The following RAP1GAP2 variants were observed in gnomAD, a reference collection of about 807,000 sequenced individuals.
RAP1GAP2 encodes the protein RAP1 GTPase activating protein 2, also known as rap1 GTPase-activating protein 2.
RAP1GAP2 carries 27 observed loss-of-function variants against 95.0 expected under a neutral mutation model. The ratio of observed to expected loss-of-function variants is 0.28; its 90% CI spans 0.21 to 0.39. The LOEUF (loss-of-function observed/expected upper bound fraction) is 0.39, where lower values mean the gene tolerates loss of function less well. Among genes scored for constraint, RAP1GAP2 ranks in the 10% least tolerant of loss-of-function variants. The probability of loss-of-function intolerance (pLI) is 1.00; values close to 1 mark genes in which losing one functional copy is unlikely to be tolerated. For missense variants in RAP1GAP2, 771 were observed against 970.0 expected (o/e 0.79, Z 2.72); for synonymous variants, 373 against 380.9 (o/e 0.98, Z 0.24).
In RAP1GAP2 at chr17:3,035,843, T is replaced by C. The variant is rs894536104; in HGVS notation, c.*2482T>C. On this transcript the variant is annotated 3_prime_UTR_variant, in exon 25 of 25. Coordinates refer to ENST00000254695, the MANE Select transcript of RAP1GAP2 (RefSeq NM_015085.5). This position sits in a 1 kb window ranked among gnomAD's most constrained non-coding sequence, Gnocchi z 4.3. ...CCTACATCTGCTCTGATCTAAAATG[T>C]CTTTCCTTTTATGCTGCGCCCAGTC... 6.6e-6 allele frequency: 1 copy of C among 152,240 alleles called. No individual in the cohort carries two copies. Among genetic ancestry groups the C allele is most frequent in the Non-Finnish European group, 1.5e-5 (1 of 68,060 alleles). 9.4% of individuals were successfully genotyped at this position (152,240 alleles called of 1,614,324 possible).
intron 8 of RAP1GAP2, among the ~76,000 whole-genome samples, chr17:2,969,448 C>CAATA (rs1555581968): frequency 8.9e-5 from 13 of 145,500 alleles, no homozygotes; most frequent in African/African-American, 2.8e-4. Flanking sequence ...CACACACACA[C>CAATA]AATAAATAAA....
chr17:2,877,219 T>C (rs2073131816), intron 2 of RAP1GAP2, among the ~76,000 whole-genome samples: 2 of 152,106 alleles, frequency 1.3e-5, no homozygotes, highest in Non-Finnish European at 2.9e-5. Context: ...CCATGTCCAC[T>C]TGTCAGCATG....
chr17:2,842,406 T>C (rs2071404467), intron 2 of RAP1GAP2, among the ~76,000 whole-genome samples: 1 of 151,728 alleles, frequency 6.6e-6, no homozygotes, highest in African/African-American at 2.4e-5. Flanking sequence ...GGCACATGCC[T>C]GTAATCCCAG....
At chr17:3,014,761 T>C (rs2046699507) in intron 17 of RAP1GAP2, among the ~76,000 whole-genome samples, 1 of 152,190 alleles carries the variant, frequency 6.6e-6, no homozygotes, top group African/African-American at 2.4e-5. Flanking sequence ...TTCACCATGT[T>C]GGCCAGGTTG....
At chr17:2,896,548 C>A (rs2041831628) in intron 2 of RAP1GAP2, among the ~76,000 whole-genome samples, 1 of 152,198 alleles carries the variant, frequency 6.6e-6, no homozygotes, top group South Asian at 2.1e-4. Flanking sequence ...AAGCACGCAT[C>A]AGTTCTAAAA....
chr17:2,834,492 C>T (rs1242604063), intron 2 of RAP1GAP2, among the ~76,000 whole-genome samples: 1 of 152,152 alleles, frequency 6.6e-6, no homozygotes, highest in Non-Finnish European at 1.5e-5. Flanking sequence ...TGAGAAATAA[C>T]TTCAAGAGAG....
At chr17:2,909,242 C>T (rs570850186) in intron 3 of RAP1GAP2, among the ~76,000 whole-genome samples, 5 of 152,218 alleles carry the variant, frequency 3.3e-5, no homozygotes, top group South Asian at 2.1e-4. Flanking sequence ...AAGCATTTCA[C>T]GGTGGTGGGA....
At chr17:2,940,601 T>A (rs1328198345) in intron 3 of RAP1GAP2, among the ~76,000 whole-genome samples, 1 of 152,116 alleles carries the variant, frequency 6.6e-6, no homozygotes, top group Non-Finnish European at 1.5e-5. Context: ...CCTCAGAGTG[T>A]GGTTAGTGTG....
intron 3 of RAP1GAP2, among the ~76,000 whole-genome samples, chr17:2,954,657 G>A (rs541722835): frequency 1.3e-5 from 2 of 151,982 alleles, no homozygotes; most frequent in East Asian, 1.9e-4. Context: ...GCAATGGTGC[G>A]ATCTCTGCTC....
rs369864747 is a variant in RAP1GAP2 at position 3,026,946 on chromosome 17, C to T, written c.1983C>T (p.Gly661=). 222 of 1,551,336 alleles carry T rather than the reference C, an allele frequency of 1.4e-4. No homozygotes were observed. Among genetic ancestry groups the T allele is most frequent in the African/African-American group, 1.4e-3 (100 of 73,186 alleles). ...GCTCACCCTGCCTCTCTCCTCAGGG[C>T]AGCCAGCCGTCCACGACCTCACCCT... The part of the protein sequence containing the change: ...GEAMEEGDSG[G]SQPSTTSPFK... Residue 661 remains glycine (G), a splice_region_variant and synonymous_variant, in exon 22 of 25, where the codon GGC becomes GGT. Coordinates refer to ENST00000254695, the MANE Select transcript of RAP1GAP2 (RefSeq NM_015085.5).
At chr17:2,934,549 G>A (rs2043246533) in intron 3 of RAP1GAP2, among the ~76,000 whole-genome samples, 1 of 152,220 alleles carries the variant, frequency 6.6e-6, no homozygotes, top group Non-Finnish European at 1.5e-5. Flanking sequence ...ACAAACCTGA[G>A]TCTTGAGATT....
intron 3 of RAP1GAP2, among the ~76,000 whole-genome samples, chr17:2,928,198 CT>C (rs2043029324): frequency 1.3e-5 from 2 of 152,350 alleles, no homozygotes; most frequent in South Asian, 2.1e-4. Flanking sequence ...CCACTGTCCG[CT>C]TCCCATTCAC....
At position 2,998,201 on chromosome 17, in the gene RAP1GAP2, T is replaced by C. The variant is rs1794515690; in HGVS notation, c.1045-20T>C. 6.2e-7 allele frequency: 1 copy of C among 1,611,290 alleles called. No homozygotes were observed. The highest frequency in any genetic ancestry group is 1.3e-5 in the African/African-American group (1 of 74,876). On this transcript the variant is annotated intron_variant, in intron 13 of 24. Coordinates refer to ENST00000254695, the MANE Select transcript of RAP1GAP2 (RefSeq NM_015085.5). ...TGATTTTCCTAACTGGCTTATAACC[T>C]CTCAACACTTTTTATTTAGCTCCAG...
chr17:2,837,557 C>T lies in RAP1GAP2; in HGVS notation c.80+37007C>T, dbSNP rs548307395. On this transcript the variant is annotated intron_variant, in intron 2 of 24. Coordinates refer to ENST00000254695, the MANE Select transcript of RAP1GAP2 (RefSeq NM_015085.5). ...CCATTCCTCTTCATTTTGGATTTGG[C>T]GGAAGTCAGTGTCCACAGGACCATC... 3.3e-5 allele frequency among the ~76,000 whole-genome samples: 5 copies of T among 150,930 alleles called. No homozygotes were observed. In the East Asian group the frequency reaches 5.8e-4, roughly 18 times the overall value.
At chr17:2,988,346 C>T (rs2045630043) in intron 11 of RAP1GAP2, among the ~76,000 whole-genome samples, 1 of 152,178 alleles carries the variant, frequency 6.6e-6, no homozygotes, top group Non-Finnish European at 1.5e-5. Flanking sequence ...AAAACGATAG[C>T]ACAATACCAC....
In RAP1GAP2 at chr17:2,965,339, G is replaced by A. The variant is rs556524813; in HGVS notation, c.493-201G>A. Reference sequence around the variant, plus strand: ...TGGTCAGGACTGAAGGAGATAGTGGGTATTAAGCCCCTGGCACGGTGCCTG... The same window carrying A: ...TGGTCAGGACTGAAGGAGATAGTGGATATTAAGCCCCTGGCACGGTGCCTG... On this transcript the variant is annotated intron_variant, in intron 7 of 24. Transcript: ENST00000254695. The surrounding 1 kb of genome is among the most constrained non-coding windows in gnomAD (Gnocchi z 4.7). The A allele has an allele frequency of 1.7e-6, 1 of 589,854 alleles. No homozygotes were observed. The highest frequency in any genetic ancestry group is 1.9e-5 in the African/African-American group (1 of 53,730). 36.5% of individuals were successfully genotyped at this position (589,854 alleles called of 1,614,324 possible). A position where few individuals can be genotyped will look rare whatever the true frequency, so the allele number is the denominator to read the frequency against.
chr17:2,833,441 C>T (rs1165373442), intron 2 of RAP1GAP2, among the ~76,000 whole-genome samples: 2 of 151,964 alleles, frequency 1.3e-5, no homozygotes, highest in East Asian at 3.9e-4. Flanking sequence ...CTGGCCTGTT[C>T]TTGGTATGTT....
chr17:2,845,143 G>T (rs79625861), intron 2 of RAP1GAP2, among the ~76,000 whole-genome samples: 374 of 152,166 alleles, frequency 2.5e-3, no homozygotes, highest in African/African-American at 8.5e-3. Context: ...GTCTTTTTTT[G>T]TTGTTGTTTT....
chr17:2,965,290 G>C lies in RAP1GAP2; in HGVS notation c.493-250G>C. On this transcript the variant is annotated intron_variant, in intron 7 of 24. Transcript: ENST00000254695. This position sits in a 1 kb window ranked among gnomAD's most constrained non-coding sequence, Gnocchi z 4.7. ...GTTTTCCCATCTGTGAAATGGGGAT[G>C]ATGTTCTCTCCCGGATACAGCTGTG... 1 of 514,920 alleles carries C rather than the reference G, an allele frequency of 1.9e-6. No individual in the cohort carries two copies. 31.9% of individuals were successfully genotyped at this position (514,920 alleles called of 1,614,324 possible).
Sources: allele counts gnomAD v4.1 joint callset (sites outside exome capture counted in the v4.1 genomes callset), GRCh38; gene constraint gnomAD v4.1.1; non-coding constraint Gnocchi (gnomAD v3.1); transcripts MANE v1.5; gene names NCBI Gene and HGNC (gene_info 2026-07-23, HGNC 2026-07-21).